GRAMD2A: variants seen among roughly 807,000 people sequenced by gnomAD.
The protein encoded by GRAMD2A is GRAM domain containing 2A, also known as GRAM domain-containing protein 2A.
GRAMD2A carries 37 observed loss-of-function variants against 51.1 expected under a neutral mutation model. The ratio of observed to expected loss-of-function variants is 0.72; its 90% CI spans 0.56 to 0.95. The LOEUF is 0.95. Among genes scored for constraint, GRAMD2A ranks in the 40% least tolerant of loss-of-function variants. The pLI, the probability that GRAMD2A is intolerant of heterozygous loss-of-function variation, is 0.00. For synonymous variants in GRAMD2A, 136 were observed against 157.1 expected (o/e 0.87, Z 1.01); for missense variants, 414 against 426.9 (o/e 0.97, Z 0.27).
At chr15:72,180,483 A>T (rs2081688769) in intron 1 of GRAMD2A, among the ~76,000 whole-genome samples, 2 of 152,346 alleles carry the variant, frequency 1.3e-5, no homozygotes, top group Middle Eastern at 3.4e-3. Context: ...GGGCCTGCAG[A>T]CAGGCTGAGC....
chr15:72,167,207 C>T (rs1196908109), intron 5 of GRAMD2A, 115 bp from the exon 6 acceptor site: 1 of 770,314 alleles, frequency 1.3e-6, no homozygotes. Flanking sequence ...GAAGCCTGGC[C>T]CCATGTGGGG....
intron 2 of GRAMD2A, chr15:72,169,504 A>G: frequency 1.8e-6 from 1 of 541,144 alleles, no homozygotes; most frequent in South Asian, 1.5e-5. Context: ...TGCTGCGGGG[A>G]GCTTGGCACA....
At chr15:72,164,624 C>T (rs1462929706) in intron 8 of GRAMD2A, among the ~76,000 whole-genome samples, 4 of 152,088 alleles carry the variant, frequency 2.6e-5, no homozygotes, top group African/African-American at 4.8e-5. Flanking sequence ...AGGCCAATCT[C>T]GAACTCCCGG....
chr15:72,178,519 A>G (rs1190118693), intron 1 of GRAMD2A, among the ~76,000 whole-genome samples: 3 of 151,416 alleles, frequency 2.0e-5, no homozygotes, highest in Non-Finnish European at 2.9e-5. Context: ...GATAAAAGGT[A>G]ATTTCCTTCT....
intron 1 of GRAMD2A, among the ~76,000 whole-genome samples, chr15:72,193,563 C>T (rs2081783828): frequency 6.7e-6 from 1 of 149,634 alleles, no homozygotes; most frequent in African/African-American, 2.5e-5. Flanking sequence ...TGCTCTGTCG[C>T]CCAGGCTGGA....
At chr15:72,162,762 T>C (rs1171048587) in intron 10 of GRAMD2A, 1 of 218,718 alleles carries the variant, frequency 4.6e-6, no homozygotes, top group Non-Finnish European at 9.2e-6. Context: ...CAGGTGCTGA[T>C]GTTGATGGTC....
At position 72,168,440 on chromosome 15, in the gene GRAMD2A, T is replaced by C. The variant is rs770397373; in HGVS notation, c.268+51A>G. ...TTGGAGGCTCCAGAGCAGAGGCCCC[T>C]GGCCCCAGGCACTCTGGGTGCCTAA... is the stretch of plus-strand genomic sequence containing the variant. On this transcript the variant is annotated intron_variant, in intron 4 of 11. Transcript: ENST00000309731. 2.1e-5 allele frequency: 29 copies of C among 1,388,918 alleles called. No individual in the cohort carries two copies. In the South Asian group the frequency reaches 2.9e-4, roughly 14 times the overall value. The allele number at this position is 1,388,918 out of a possible 1,614,324, so 86.0% of individuals were successfully genotyped here. A position where few individuals can be genotyped will look rare whatever the true frequency, so the allele number is the denominator to read the frequency against.
Position 72,197,732 on chromosome 15 carries a change from C to A in GRAMD2A, c.40G>T (p.Gly14Cys), listed in dbSNP as rs1231499636. Residue 14 changes from glycine to cysteine, a missense_variant and splice_region_variant, in exon 1 of 12, where the codon GGC becomes TGC. Gly to Cys is a radical substitution (Grantham distance 159). Coordinates refer to ENST00000309731, the MANE Select transcript of GRAMD2A (RefSeq NM_001012642.3). ...LSRSEATEEG[G>C]NQQMHRKTAS... ...GGCCCCCGGGCCGCAACCCCTTACC[C>A]GCCCTCCTCGGTGGCCTCGCTCCGG... 1.3e-5 allele frequency: 17 copies of A among 1,339,552 alleles called. No individual in the cohort carries two copies. The Admixed American group carries it at 4.8e-4, about 38-fold the overall frequency. 83.0% of individuals were successfully genotyped at this position (1,339,552 alleles called of 1,614,324 possible).
At chr15:72,191,217 T>A (rs1430943462) in intron 1 of GRAMD2A, among the ~76,000 whole-genome samples, 5 of 151,802 alleles carry the variant, frequency 3.3e-5, no homozygotes, top group African/African-American at 1.2e-4. Flanking sequence ...TTTTTTTTTT[T>A]AAATGGAGTT....
intron 1 of GRAMD2A, among the ~76,000 whole-genome samples, chr15:72,187,229 T>A (rs1216239111): frequency 6.6e-6 from 1 of 151,480 alleles, no homozygotes; most frequent in East Asian, 1.9e-4. Flanking sequence ...ATAAAAAAAC[T>A]ATACTTAAGG....
chr15:72,173,252 A>G (rs576266024), intron 1 of GRAMD2A, among the ~76,000 whole-genome samples: 6 of 152,346 alleles, frequency 3.9e-5, no homozygotes, highest in African/African-American at 1.4e-4. Flanking sequence ...ATAATCTTGC[A>G]TGGATTATCT....
intron 1 of GRAMD2A, among the ~76,000 whole-genome samples, chr15:72,184,563 TGGGGACG>T (rs1035287053): frequency 5.3e-5 from 8 of 152,230 alleles, no homozygotes; most frequent in African/African-American, 1.7e-4. Flanking sequence ...GACGCCCGCG[TGGGGACG>T]GGCTGCGCGC....
intron 1 of GRAMD2A, among the ~76,000 whole-genome samples, chr15:72,179,134 C>T (rs757477576): frequency 1.3e-5 from 2 of 152,146 alleles, no homozygotes; most frequent in South Asian, 2.1e-4. Flanking sequence ...ACACCCAGGC[C>T]GGGAACGGGC....
intron 1 of GRAMD2A, among the ~76,000 whole-genome samples, chr15:72,182,986 C>A (rs1017380179): frequency 4.6e-5 from 7 of 152,152 alleles, no homozygotes; most frequent in Non-Finnish European, 1.0e-4. Context: ...GATCCTCCCA[C>A]CTCAGCCTCC....
chr15:72,169,855 CG>C lies in GRAMD2A; in HGVS notation c.125del (p.Pro42ArgfsTer11). 1 of 1,612,048 alleles carries C rather than the reference CG, an allele frequency of 6.2e-7. No homozygotes were observed. Among genetic ancestry groups the C allele is most frequent in the Non-Finnish European group, 8.5e-7 (1 of 1,178,150 alleles). On this transcript the variant is annotated frameshift_variant, in exon 2 of 12. Coordinates refer to ENST00000309731, the MANE Select transcript of GRAMD2A (RefSeq NM_001012642.3). LOFTEE classifies it high-confidence loss of function. The part of the protein sequence containing the change: ...KEKPDRVEEP[P>X]DYSLHWPEGL... ...GGGAAAGGGGTCCTCACCTGTAGTC[CG>C]GGGGCTCCTCAACTCTGTCTGGTTT...
chr15:72,188,076 T>C (rs910494140), intron 1 of GRAMD2A, among the ~76,000 whole-genome samples: 2 of 152,166 alleles, frequency 1.3e-5, no homozygotes, highest in African/African-American at 4.8e-5. Flanking sequence ...TGGTGGCTCA[T>C]GGCTGTAATC....
At chr15:72,182,074 C>G (rs952657193) in intron 1 of GRAMD2A, among the ~76,000 whole-genome samples, 1 of 152,024 alleles carries the variant, frequency 6.6e-6, no homozygotes, top group South Asian at 2.1e-4. Flanking sequence ...CAAAAATTAG[C>G]CAAAATTCGG....
At position 72,170,340 on chromosome 15, in the gene GRAMD2A, G is replaced by A. The variant is rs897514754; in HGVS notation, c.42-401C>T. 2 of 460,392 alleles carry A rather than the reference G, an allele frequency of 4.3e-6. No homozygotes were observed. Among genetic ancestry groups the A allele is most frequent in the South Asian group, 3.1e-5 (2 of 64,584 alleles). The allele number at this position is 460,392 out of a possible 1,614,324, so 28.5% of individuals were successfully genotyped here. On this transcript the variant is annotated intron_variant, in intron 1 of 11. Coordinates refer to ENST00000309731, the MANE Select transcript of GRAMD2A (RefSeq NM_001012642.3). This position sits in a 1 kb window ranked among gnomAD's most constrained non-coding sequence, Gnocchi z 4.5. ...GAGAACAAAAGTGTCCAAAGTACCC[G>A]CGCAGCATGACTGTAAACCATCAGG...
chr15:72,171,031 A>T (rs2081605306), intron 1 of GRAMD2A, among the ~76,000 whole-genome samples: 1 of 152,224 alleles, frequency 6.6e-6, no homozygotes, highest in Non-Finnish European at 1.5e-5. Context: ...TGTACAGATT[A>T]TGAAACTGAG....
Sources: allele counts gnomAD v4.1 joint callset (sites outside exome capture counted in the v4.1 genomes callset), GRCh38; gene constraint gnomAD v4.1.1; non-coding constraint Gnocchi (gnomAD v3.1); transcripts MANE v1.5; gene names NCBI Gene and HGNC (gene_info 2026-07-23, HGNC 2026-07-21).